Variants in TLE1 observed in about 807,000 individuals in gnomAD.
TLE1 encodes TLE family member 1, transcriptional corepressor, also known as transducin-like enhancer protein 1.
A neutral mutation model predicts 89.8 loss-of-function variants in TLE1; 21 were observed. The observed-to-expected ratio is 0.23, with a 90% CI of 0.17 to 0.34. TLE1 has a LOEUF of 0.34. Among genes scored for constraint, TLE1 ranks in the 10% least tolerant of loss-of-function variants. The pLI is 1.00. For synonymous variants in TLE1, 447 were observed against 407.6 expected (o/e 1.10, Z -1.16); for missense variants, 795 against 1,031.2 (o/e 0.77, Z 3.14).
At chr9:81,641,711 A>G (rs1464292103) in intron 6 of TLE1, among the ~76,000 whole-genome samples, 2 of 152,200 alleles carry the variant, frequency 1.3e-5, no homozygotes, top group Admixed American at 1.3e-4. Context: ...AAGGAAACGC[A>G]AATCAGAGCC....
chr9:81,587,926 G>GCC, intron 16 of TLE1, 98 bp from the exon 17 acceptor site: 13 of 880,742 alleles, frequency 1.5e-5, no homozygotes, highest in Admixed American at 3.7e-5. Flanking sequence ...GTGTGTGTGT[G>GCC]TGTGTGTGTG....
At chr9:81,634,855 T>C (rs952735057) in intron 6 of TLE1, among the ~76,000 whole-genome samples, 2 of 152,144 alleles carry the variant, frequency 1.3e-5, no homozygotes, top group African/African-American at 4.8e-5. Context: ...CTTACCACAG[T>C]AGTATGATGA....
intron 2 of TLE1, 83 bp downstream of exon 2, chr9:81,687,251 G>C (rs1588285640): frequency 5.9e-6 from 7 of 1,178,032 alleles, no homozygotes; most frequent in Non-Finnish European, 8.6e-6. Flanking sequence ...CAAGAACTAA[G>C]TACAGGCGCC....
chr9:81,602,938 G>A (rs1009648194), intron 14 of TLE1, among the ~76,000 whole-genome samples: 8 of 152,198 alleles, frequency 5.3e-5, no homozygotes, highest in African/African-American at 1.9e-4. Context: ...GAAGTTTGGG[G>A]AGGCTGGAAT....
intron 14 of TLE1, among the ~76,000 whole-genome samples, chr9:81,595,306 AT>A (rs2131864371): frequency 6.6e-6 from 1 of 152,316 alleles, no homozygotes; most frequent in South Asian, 2.1e-4. Flanking sequence ...TGGAGTCATA[AT>A]CAAATAGCAT....
At chr9:81,642,490 G>A (rs543842109) in intron 6 of TLE1, among the ~76,000 whole-genome samples, 9 of 151,358 alleles carry the variant, frequency 5.9e-5, no homozygotes, top group Admixed American at 2.6e-4. Flanking sequence ...TCAGGAGTTC[G>A]AGACCAGCCT....
At chr9:81,622,794 C>T (rs1040235566) in intron 8 of TLE1, among the ~76,000 whole-genome samples, 3 of 152,164 alleles carry the variant, frequency 2.0e-5, no homozygotes, top group African/African-American at 7.2e-5. Flanking sequence ...CCTCATCATA[C>T]CTTTGATGCT....
chr9:81,620,373 G>T, intron 9 of TLE1, 68 bp downstream of exon 9: 1 of 1,186,120 alleles, frequency 8.4e-7, no homozygotes, highest in Non-Finnish European at 1.2e-6. Context: ...TAAGATCTTA[G>T]AATATACTTG....
chr9:81,624,212 A>G (rs1218030694), intron 8 of TLE1, among the ~76,000 whole-genome samples: 1 of 152,212 alleles, frequency 6.6e-6, no homozygotes, highest in Non-Finnish European at 1.5e-5. Context: ...GCCTTGCTTT[A>G]ATCAGGTTAG....
intron 6 of TLE1, among the ~76,000 whole-genome samples, chr9:81,648,240 T>C: frequency 7.4e-6 from 1 of 135,622 alleles, no homozygotes; most frequent in South Asian, 2.3e-4. Context: ...ACCACTGCAC[T>C]CCAGCCTGGG....
chr9:81,626,805 C>T (rs1825959889), intron 8 of TLE1, among the ~76,000 whole-genome samples: 1 of 152,180 alleles, frequency 6.6e-6, no homozygotes, highest in Admixed American at 6.5e-5. Context: ...CGTCACCACC[C>T]TCTCATTTGT....
chr9:81,592,008 C>T (rs1442051175), intron 15 of TLE1, among the ~76,000 whole-genome samples: 2 of 152,152 alleles, frequency 1.3e-5, no homozygotes, highest in Non-Finnish European at 2.9e-5. Context: ...CAGGGCAGCT[C>T]GGAGTCTGCT....
At chr9:81,605,887 C>G (rs1485209537) in intron 14 of TLE1, among the ~76,000 whole-genome samples, 2 of 150,308 alleles carry the variant, frequency 1.3e-5, no homozygotes, top group African/African-American at 2.4e-5. Flanking sequence ...TGACAAAGGG[C>G]TAATATCCAG....
chr9:81,644,121 G>C (rs769905907), intron 6 of TLE1, among the ~76,000 whole-genome samples: 15 of 152,158 alleles, frequency 9.9e-5, no homozygotes, highest in Non-Finnish European at 7.3e-5. Flanking sequence ...AGAGAAATTG[G>C]AATTCTCGTA....
At chr9:81,592,956 C>A in intron 15 of TLE1, 69 bp downstream of exon 15, 1 of 1,556,026 alleles carries the variant, frequency 6.4e-7, no homozygotes. Context: ...AACCCAGGCC[C>A]ACACAGCTAT....
Position 81,655,878 on chromosome 9 carries a change from A to C in TLE1, c.235-1842T>G, listed in dbSNP as rs192578452. ...AAAAAAAAAAAAAAAAAGAAAAGAAAAGAACAAAACCCCAGGAACTTTACA... is the reference window on the plus strand; with the variant it reads ...AAAAAAAAAAAAAAAAAGAAAAGAACAGAACAAAACCCCAGGAACTTTACA... On this transcript the variant is annotated intron_variant, in intron 4 of 19. Coordinates refer to ENST00000376499, the MANE Select transcript of TLE1 (RefSeq NM_005077.5). Among the ~76,000 whole-genome samples, 8 of 152,002 alleles carry C rather than the reference A, an allele frequency of 5.3e-5. No homozygotes were observed. In the East Asian group the frequency reaches 7.7e-4, roughly 15 times the overall value.
At chr9:81,584,408 G>A (rs1406164582) in intron 19 of TLE1, 40 bp downstream of exon 19, 1 of 1,612,396 alleles carries the variant, frequency 6.2e-7, no homozygotes, top group Admixed American at 1.7e-5. Flanking sequence ...AGGCGACACT[G>A]TGGTCAAACT....
chr9:81,662,714 G>A (rs1219093093), intron 4 of TLE1, among the ~76,000 whole-genome samples: 7 of 151,296 alleles, frequency 4.6e-5, no homozygotes, highest in African/African-American at 1.7e-4. Flanking sequence ...AAAAAAATTA[G>A]CAAAGTGGCC....
chr9:81,615,096 AAAAAAAAAAAAAAAAAAAAAAAAAAG>A (rs1182696384), intron 11 of TLE1, among the ~76,000 whole-genome samples: 3 of 106,570 alleles, frequency 2.8e-5, no homozygotes, highest in African/African-American at 1.1e-4. Context: ...AAAAAAAAAA[AAAAAAAAAAAAAAAAAAAAAAAAAAG>A]AAGAAGAAGA....
Sources: allele counts gnomAD v4.1 joint callset (sites outside exome capture counted in the v4.1 genomes callset), GRCh38; gene constraint gnomAD v4.1.1; transcripts MANE v1.5; gene names NCBI Gene and HGNC (gene_info 2026-07-23, HGNC 2026-07-21).